The following VWA8 variants were observed in gnomAD, a reference collection of about 807,000 sequenced individuals.
The protein encoded by VWA8 is von Willebrand factor A domain-containing protein 8.
Under a neutral mutation model 241.5 loss-of-function variants are expected in VWA8, and 221 were observed. The observed-to-expected ratio is 0.91, with a 90% CI of 0.82 to 1.02. The LOEUF is 1.02. Among genes scored for constraint, VWA8 ranks in the 50% least tolerant of loss-of-function variants. The pLI is 0.00. For synonymous variants in VWA8, 852 were observed against 827.1 expected (o/e 1.03, Z -0.52); for missense variants, 2,322 against 2,328.7 (o/e 1.00, Z 0.06).
At chr13:41,797,196 AT>A (rs11400380) in intron 17 of VWA8, among the ~76,000 whole-genome samples, 250 of 140,374 alleles carry the variant, frequency 1.8e-3, no homozygotes, top group East Asian at 8.6e-3. Context: ...ACACCCAAGT[AT>A]TTTTTTTTTT....
intron 12 of VWA8, among the ~76,000 whole-genome samples, chr13:41,841,237 T>C (rs536767704): frequency 6.6e-6 from 1 of 152,316 alleles, no homozygotes; most frequent in South Asian, 2.1e-4. Flanking sequence ...TATAGGAATA[T>C]ACCAATAACA....
intron 20 of VWA8, among the ~76,000 whole-genome samples, chr13:41,764,913 G>C (rs1316791252): frequency 6.6e-6 from 1 of 152,136 alleles, no homozygotes; most frequent in Non-Finnish European, 1.5e-5. Context: ...GGAATGGTAC[G>C]GTGGAGTCTG....
intron 12 of VWA8, among the ~76,000 whole-genome samples, chr13:41,856,938 C>A (rs1872778427): frequency 6.6e-6 from 1 of 150,942 alleles, no homozygotes; most frequent in Admixed American, 6.6e-5. Context: ...TGTTGGATAT[C>A]TTTTTTTGTT....
intron 8 of VWA8, among the ~76,000 whole-genome samples, chr13:41,884,066 GA>G (rs1874393097): frequency 6.6e-6 from 1 of 152,194 alleles, no homozygotes; most frequent in African/African-American, 2.4e-5. Flanking sequence ...TCTATTAGAT[GA>G]TACTATGGAT....
chr13:41,580,021 ATT>A (rs768774373), intron 42 of VWA8, among the ~76,000 whole-genome samples: 7 of 139,588 alleles, frequency 5.0e-5, no homozygotes, highest in Admixed American at 7.2e-5. Context: ...TAATTTTTGT[ATT>A]TTTTTTTTTT....
intron 4 of VWA8, among the ~76,000 whole-genome samples, chr13:41,893,740 C>T (rs1332276605): frequency 2.0e-5 from 3 of 152,034 alleles, no homozygotes; most frequent in Non-Finnish European, 2.9e-5. Context: ...AAAAATTAGC[C>T]AAGTGTGGTG....
At chr13:41,871,378 A>G (rs995642599) in intron 9 of VWA8, among the ~76,000 whole-genome samples, 18 of 152,130 alleles carry the variant, frequency 1.2e-4, no homozygotes, top group Admixed American at 7.9e-4. Context: ...ATATGTATAC[A>G]TGTGCCATGC....
At chr13:41,665,379 A>G (rs2044979090) in intron 37 of VWA8, among the ~76,000 whole-genome samples, 1 of 152,128 alleles carries the variant, frequency 6.6e-6, no homozygotes, top group South Asian at 2.1e-4. Context: ...GAGATCACCT[A>G]CAAAGTTGAA....
intron 2 of VWA8, among the ~76,000 whole-genome samples, chr13:41,936,116 T>C (rs909533354): frequency 6.6e-6 from 1 of 152,190 alleles, no homozygotes; most frequent in African/African-American, 2.4e-5. Flanking sequence ...CCAATATTAC[T>C]TTCTAAAGAA....
chr13:41,943,669 A>C (rs1877704062), intron 2 of VWA8, among the ~76,000 whole-genome samples: 1 of 152,368 alleles, frequency 6.6e-6, no homozygotes, highest in Non-Finnish European at 1.5e-5. Flanking sequence ...TTTGCAACTC[A>C]ATAATAAAAA....
intron 4 of VWA8, among the ~76,000 whole-genome samples, chr13:41,898,085 C>T (rs1282882298): frequency 2.0e-5 from 3 of 152,128 alleles, no homozygotes. Flanking sequence ...TCGATTGGTG[C>T]ATTCACAAAC....
intron 2 of VWA8, among the ~76,000 whole-genome samples, chr13:41,913,086 C>T (rs1172679991): frequency 2.0e-5 from 3 of 152,060 alleles, no homozygotes; most frequent in Admixed American, 2.0e-4. Flanking sequence ...AAGACCCCCA[C>T]TTCCAATGAT....
chr13:41,876,580 T>C (rs532226143), intron 9 of VWA8, among the ~76,000 whole-genome samples: 9 of 152,124 alleles, frequency 5.9e-5, no homozygotes, highest in Non-Finnish European at 1.3e-4. Context: ...TATATACTTA[T>C]TTACTTACTT....
At chr13:41,699,772 A>G (rs933085399) in intron 28 of VWA8, among the ~76,000 whole-genome samples, 5 of 152,164 alleles carry the variant, frequency 3.3e-5, no homozygotes, top group African/African-American at 1.2e-4. Flanking sequence ...CTTATTTTCC[A>G]AATTTTTGTT....
At chr13:41,671,718 G>A (rs1027959496) in intron 36 of VWA8, among the ~76,000 whole-genome samples, 1 of 152,062 alleles carries the variant, frequency 6.6e-6, no homozygotes, top group African/African-American at 2.4e-5. Context: ...GCACTTGCAT[G>A]TGGTCTCTGC....
chr13:41,831,456 T>G (rs969141052), intron 13 of VWA8, among the ~76,000 whole-genome samples: 2 of 152,174 alleles, frequency 1.3e-5, no homozygotes, highest in African/African-American at 4.8e-5. Context: ...AATATTAATG[T>G]GAAAACTAAA....
intron 37 of VWA8, among the ~76,000 whole-genome samples, chr13:41,646,941 T>A (rs1345658150): frequency 6.6e-6 from 1 of 152,254 alleles, no homozygotes; most frequent in Non-Finnish European, 1.5e-5. Flanking sequence ...TTGGGTGTAC[T>A]ATGTAATCTG....
At chr13:41,729,796 T>G in intron 22 of VWA8, 119 bp from the exon 23 acceptor site, 1 of 596,414 alleles carries the variant, frequency 1.7e-6, no homozygotes, top group African/African-American at 2.6e-5. Flanking sequence ...AGTATACACG[T>G]AGACACACAC....
chr13:41,655,009 C>A (rs2044893314), intron 37 of VWA8, among the ~76,000 whole-genome samples: 1 of 151,914 alleles, frequency 6.6e-6, no homozygotes, highest in South Asian at 2.1e-4. Flanking sequence ...CACATTAATG[C>A]TATATCAATG....
Sources: gnomAD v4.1 joint callset for allele counts (sites outside exome capture counted in the v4.1 genomes callset) on GRCh38, gnomAD v4.1.1 for gene constraint, MANE v1.5 for transcripts, NCBI Gene and HGNC (gene_info 2026-07-23, HGNC 2026-07-21) for gene names.